IGF1: variants seen among roughly 807,000 people sequenced by gnomAD.
IGF1 encodes insulin like growth factor 1, also known as insulin-like growth factor 1.
Under a neutral mutation model 13.8 loss-of-function variants are expected in IGF1, and 4 were observed. The ratio of observed to expected loss-of-function variants is 0.29; its 90% CI spans 0.14 to 0.66. The LOEUF (loss-of-function observed/expected upper bound fraction) is 0.66. Among genes scored for constraint, IGF1 ranks in the 30% least tolerant of loss-of-function variants. IGF1 has a pLI of 0.78. For synonymous variants in IGF1, 76 were observed against 72.6 expected, an observed-to-expected ratio of 1.05 and a Z score of -0.23; for missense variants, 124 against 188.5, an observed-to-expected ratio of 0.66 and a Z score of 2.00.
At chr12:102,425,872 G>A (rs973031684) in intron 2 of IGF1, among the ~76,000 whole-genome samples, 2 of 152,194 alleles carry the variant, frequency 1.3e-5, no homozygotes, top group Non-Finnish European at 2.9e-5. Context: ...TCCAGGGCTT[G>A]GAGGAGATAG....
chr12:102,464,125 T>C lies in IGF1; in HGVS notation c.220+11518A>G, dbSNP rs143703563. On this transcript the variant is annotated intron_variant, in intron 2 of 3. Transcript: ENST00000337514. The stretch of plus-strand genomic sequence containing the variant: ...CACTACTCCTTTTAAATAACTCACA[T>C]AGAAGTAGAGAGGAACTGAGTGGAG... 1.4e-3 allele frequency among the ~76,000 whole-genome samples: 216 copies of C among 152,262 alleles called. 5 individuals are homozygous for C. The East Asian group carries it at 0.032, about 23-fold the overall frequency.
At chr12:102,456,322 A>G (rs572102926) in intron 2 of IGF1, among the ~76,000 whole-genome samples, 1 of 151,734 alleles carries the variant, frequency 6.6e-6, no homozygotes, top group African/African-American at 2.4e-5. Context: ...ACGCACTTCA[A>G]AGACTAAACT....
chr12:102,408,628 C>T (rs560564128), intron 3 of IGF1, among the ~76,000 whole-genome samples: 7 of 152,222 alleles, frequency 4.6e-5, no homozygotes, highest in South Asian at 2.1e-4. Context: ...GCCAGTACAA[C>T]GGCTCTTCTT....
At chr12:102,434,543 C>A (rs1877048179) in intron 2 of IGF1, among the ~76,000 whole-genome samples, 1 of 145,750 alleles carries the variant, frequency 6.9e-6, no homozygotes, top group South Asian at 2.2e-4. Flanking sequence ...TTAATCCAGT[C>A]TATCATTGTT....
intron 3 of IGF1, among the ~76,000 whole-genome samples, chr12:102,404,763 G>GC (rs1873991451): frequency 1.4e-5 from 2 of 145,026 alleles, no homozygotes; most frequent in African/African-American, 5.1e-5. Context: ...TTTTTTTGTT[G>GC]TTTTTTTTTT....
intron 2 of IGF1, among the ~76,000 whole-genome samples, chr12:102,468,323 A>G (rs1880464603): frequency 6.6e-6 from 1 of 152,262 alleles, no homozygotes. Flanking sequence ...ACAAATGCAG[A>G]GGGCCACATG....
In IGF1 at chr12:102,402,198, A is replaced by G. The variant is rs1023995264; in HGVS notation, c.*309T>C. On this transcript the variant is annotated 3_prime_UTR_variant, in exon 4 of 4. Transcript: ENST00000337514. ...AACTGGATCTATACAACACCCATGC[A>G]TTTGTGGCTCTTGAGAGGCAGGGAC... is the stretch of plus-strand genomic sequence containing the variant. The G allele has an allele frequency of 1.1e-5, 2 of 184,494 alleles. No homozygotes were observed. Among genetic ancestry groups the G allele is most frequent in the Admixed American group, 5.6e-5 (1 of 17,716 alleles). 11.4% of individuals were successfully genotyped at this position (184,494 alleles called of 1,614,324 possible).
At chr12:102,418,136 G>A in intron 3 of IGF1, 2 of 846,910 alleles carry the variant, frequency 2.4e-6, no homozygotes, top group Non-Finnish European at 3.5e-6. Context: ...CTAGACCTCA[G>A]TCACAAGACC....
At chr12:102,467,841 C>G (rs1312157315) in intron 2 of IGF1, among the ~76,000 whole-genome samples, 1 of 152,216 alleles carries the variant, frequency 6.6e-6, no homozygotes, top group African/African-American at 2.4e-5. Context: ...AGTATCTTCT[C>G]CCTTTGTCAC....
intron 2 of IGF1, among the ~76,000 whole-genome samples, chr12:102,456,852 C>G (rs1879451920): frequency 6.6e-6 from 1 of 152,176 alleles, no homozygotes; most frequent in Non-Finnish European, 1.5e-5. Context: ...TTGGCTAACC[C>G]ACTTTCAACT....
intron 2 of IGF1, among the ~76,000 whole-genome samples, chr12:102,452,799 G>A (rs1592804769): frequency 1.3e-5 from 2 of 152,188 alleles, no homozygotes; most frequent in South Asian, 4.1e-4. Context: ...GAGCGCTTGG[G>A]CTGGAATCTG....
intron 2 of IGF1, among the ~76,000 whole-genome samples, chr12:102,474,063 C>T (rs944381545): frequency 1.3e-5 from 2 of 152,100 alleles, no homozygotes; most frequent in African/African-American, 2.4e-5. Flanking sequence ...AAAAAAGTCC[C>T]CTTGGGCATA....
At chr12:102,466,159 G>C (rs1880294418) in intron 2 of IGF1, among the ~76,000 whole-genome samples, 1 of 152,032 alleles carries the variant, frequency 6.6e-6, no homozygotes, top group South Asian at 2.1e-4. Context: ...ATAGCCTATA[G>C]GAAGAACTTT....
intron 3 of IGF1, chr12:102,417,473 T>G (rs1189230575): frequency 1.2e-6 from 1 of 830,374 alleles, no homozygotes; most frequent in African/African-American, 1.8e-5. Context: ...AATTTAAAAA[T>G]GCATATAGAA....
intron 2 of IGF1, among the ~76,000 whole-genome samples, chr12:102,464,143 G>C (rs890045829): frequency 4.6e-5 from 7 of 152,122 alleles, no homozygotes; most frequent in Admixed American, 1.3e-4. Context: ...GAGAGGAACT[G>C]AGTGGAGGTT....
Position 102,456,700 on chromosome 12 carries a change from G to A in IGF1, c.220+18943C>T, listed in dbSNP as rs370976686. 2.2e-4 allele frequency among the ~76,000 whole-genome samples: 33 copies of A among 152,160 alleles called. No individual in the cohort carries two copies. The South Asian group carries it at 6.2e-3, about 29-fold the overall frequency. On this transcript the variant is annotated intron_variant, in intron 2 of 3. Transcript: ENST00000337514. ...TAATTAACCTCTTATCCCTACTCAT[G>A]GGATGGCGGAATGTGAAAAGTACTG...
At chr12:102,470,636 T>C (rs1880628821) in intron 2 of IGF1, among the ~76,000 whole-genome samples, 1 of 152,304 alleles carries the variant, frequency 6.6e-6, no homozygotes, top group East Asian at 1.9e-4. Flanking sequence ...AGCTAGTGAC[T>C]GTACCCCTAA....
chr12:102,476,442 A>AGAGAGAGAGG (rs1383297267), intron 1 of IGF1, among the ~76,000 whole-genome samples: 1 of 151,724 alleles, frequency 6.6e-6, no homozygotes, highest in Non-Finnish European at 1.5e-5. Context: ...AGAGAGAGAG[A>AGAGAGAGAGG]GACTGATTCC....
chr12:102,478,660 G>C, intron 1 of IGF1: 6 of 1,378,602 alleles, frequency 4.4e-6, no homozygotes, highest in Non-Finnish European at 5.7e-6. Flanking sequence ...GCTATTATGA[G>C]CCTGGGTAAA....
Sources: gnomAD v4.1 joint callset for allele counts (sites outside exome capture counted in the v4.1 genomes callset) on GRCh38, gnomAD v4.1.1 for gene constraint, MANE v1.5 for transcripts, NCBI Gene and HGNC (gene_info 2026-07-23, HGNC 2026-07-21) for gene names.